LAMC2: variants seen among roughly 807,000 people sequenced by gnomAD.
LAMC2 encodes laminin subunit gamma 2.
LAMC2 carries 97 observed loss-of-function variants against 140.2 expected under a neutral mutation model. The ratio of observed to expected loss-of-function variants is 0.69; its 90% CI spans 0.59 to 0.82. The LOEUF is 0.82. LAMC2 is among the 40% of genes least tolerant of loss of function. The probability of loss-of-function intolerance (pLI) is 0.00; values close to 1 mark genes in which losing one functional copy is unlikely to be tolerated. For missense variants in LAMC2, 1,402 were observed against 1,476.1 expected (o/e 0.95, Z 0.82); for synonymous variants, 513 against 540.2 (o/e 0.95, Z 0.70).
At chr1:183,202,108 C>T (rs1188249209) in intron 1 of LAMC2, among the ~76,000 whole-genome samples, 2 of 151,786 alleles carry the variant, frequency 1.3e-5, no homozygotes, top group South Asian at 2.1e-4. Context: ...GCATGAGAAT[C>T]GCTTGAACCT....
intron 1 of LAMC2, among the ~76,000 whole-genome samples, chr1:183,205,720 G>A (rs1170602156): frequency 6.6e-6 from 1 of 152,160 alleles, no homozygotes; most frequent in African/African-American, 2.4e-5. Flanking sequence ...ACAAAAGCCT[G>A]ATGACGCAGG....
rs368800123 is a variant in LAMC2, at chr1:183,241,776, G to GA, written c.3329-1361dup. On this transcript the variant is annotated intron_variant, in intron 22 of 22. Transcript: ENST00000264144. ...GAGTAAAATGCCCTCAAAGGATTGA[G>GA]AAAAAAAAAAGGAAAAAACAAAACA... 5.8e-3 allele frequency among the ~76,000 whole-genome samples: 794 copies of GA among 137,496 alleles called. 5 individuals are homozygous for GA. Among genetic ancestry groups the GA allele is most frequent in the South Asian group, 0.011 (48 of 4,358 alleles). The allele number at this position is 137,496 out of a possible 152,430, so 90.2% of individuals were successfully genotyped here.
the LAMC2 span, among the ~76,000 whole-genome samples, chr1:183,254,623 G>C: frequency 6.6e-6 from 1 of 152,042 alleles, no homozygotes; most frequent in African/African-American, 2.4e-5. Context: ...TGGTGGGAAG[G>C]GGTAAGGATA....
In LAMC2 at chr1:183,228,373, G is replaced by A. The variant is rs1277522287; in HGVS notation, c.1469-1G>A. The A allele has an allele frequency of 6.2e-7, 1 of 1,614,114 alleles. No individual in the cohort carries two copies. Among genetic ancestry groups the A allele is most frequent in the Admixed American group, 1.7e-5 (1 of 60,012 alleles). On this transcript the variant is annotated splice_acceptor_variant, in intron 10 of 22. Transcript: ENST00000264144. LOFTEE classifies it high-confidence loss of function. This position sits in a 1 kb window ranked among gnomAD's most constrained non-coding sequence, Gnocchi z 4.3. ...AGGCTTGGTCATTTGTTCCTTCCCA[G>A]GTGCCCGCTGTGAGCTCTGTGCTGA...
chr1:183,207,749 C>T (rs898675197), intron 1 of LAMC2, 132 bp from the exon 2 acceptor site: 3 of 803,590 alleles, frequency 3.7e-6, no homozygotes, highest in South Asian at 3.1e-5. Flanking sequence ...ATCTTCCTCC[C>T]GCAAGGAGTG....
intron 12 of LAMC2, 75 bp downstream of exon 12, chr1:183,231,178 C>T (rs1361591691): frequency 6.5e-6 from 10 of 1,549,654 alleles, no homozygotes; most frequent in Admixed American, 1.7e-5. Flanking sequence ...GGTTCTGTCA[C>T]AGATCTAGGA....
At chr1:183,235,226 T>C (rs1315719745) in intron 15 of LAMC2, among the ~76,000 whole-genome samples, 1 of 152,184 alleles carries the variant, frequency 6.6e-6, no homozygotes, top group African/African-American at 2.4e-5. Context: ...GGTTGGATCC[T>C]GGGTGAAATA....
chr1:183,253,925 G>T, the LAMC2 span, among the ~76,000 whole-genome samples: 7 of 151,942 alleles, frequency 4.6e-5, no homozygotes, highest in South Asian at 1.5e-3. Context: ...GTGTGTGTGT[G>T]TGTGTGTGTG....
rs779368161 is a variant in LAMC2 at position 183,237,444 on chromosome 1, T to C, written c.2694T>C (p.Asn898=). The C allele has an allele frequency of 6.2e-6, 10 of 1,614,102 alleles. No homozygotes were observed. The highest frequency in any genetic ancestry group is 8.5e-6 in the Non-Finnish European group (10 of 1,180,004). ...HMDEFKRTQK[N]LGNWKEEAQQ... The stretch of plus-strand genomic sequence containing the variant: ...ATGAGTTCAAGCGTACACAGAAGAA[T>C]CTGGGAAACTGGAAAGAAGAAGCAC... The change falls in exon 18 of 23, where the codon AAT becomes AAC. Residue 898 remains asparagine (N), a synonymous_variant. Coordinates refer to ENST00000264144, the MANE Select transcript of LAMC2 (RefSeq NM_005562.3).
intron 1 of LAMC2, among the ~76,000 whole-genome samples, chr1:183,190,792 T>C (rs1208214293): frequency 1.3e-5 from 2 of 152,226 alleles, no homozygotes; most frequent in Non-Finnish European, 2.9e-5. Context: ...TCACATTTTA[T>C]GAAGTAATTA....
chr1:183,186,327 C>A lies in LAMC2; in HGVS notation c.-26C>A. The A allele has an allele frequency of 6.3e-7, 1 of 1,578,640 alleles. No homozygotes were observed. Among genetic ancestry groups the A allele is most frequent in the Non-Finnish European group, 8.6e-7 (1 of 1,169,182 alleles). On this transcript the variant is annotated 5_prime_UTR_variant, in exon 1 of 23. Transcript: ENST00000264144. The stretch of plus-strand genomic sequence containing the variant: ...CGGGCAGCGACCCCTGCAGCGGAGA[C>A]AGAGACTGAGCGGCCCGGCCCCGCC...
chr1:183,240,675 G>T, intron 22 of LAMC2: 1 of 1,328,302 alleles, frequency 7.5e-7, no homozygotes, highest in Non-Finnish European at 9.7e-7. Flanking sequence ...CAGAACACGA[G>T]ACAGCTTGGG....
chr1:183,252,491 T>G, the LAMC2 span: 1 of 553,980 alleles, frequency 1.8e-6, no homozygotes, highest in South Asian at 1.7e-5. Context: ...AATGCCATGG[T>G]TCTCTGCAGG....
At chr1:183,223,100 A>G (rs375441061) in intron 6 of LAMC2, 35 bp from the exon 7 acceptor site, 20 of 1,604,782 alleles carry the variant, frequency 1.2e-5, no homozygotes, top group Non-Finnish European at 1.6e-5. Context: ...CCAGTTTCAC[A>G]ACTGATCTCA....
Position 183,215,316 on chromosome 1 carries a change from G to A in LAMC2, c.269-137G>A, listed in dbSNP as rs797002997. ...CCCGGTGACACGCAGGCGATGTGAA[G>A]TGACTGTTAAAAGCAGCAGATGGTG... On this transcript the variant is annotated intron_variant, in intron 2 of 22. Coordinates refer to ENST00000264144, the MANE Select transcript of LAMC2 (RefSeq NM_005562.3). The A allele has an allele frequency of 9.7e-6, 9 of 929,176 alleles. No individual in the cohort carries two copies. In the African/African-American group the frequency reaches 1.5e-4, roughly 15 times the overall value. The allele number at this position is 929,176 out of a possible 1,614,324, so 57.6% of individuals were successfully genotyped here.
At position 183,220,920 on chromosome 1, in the gene LAMC2, C is replaced by T. The variant is rs138266625; in HGVS notation, c.599C>T (p.Ala200Val). Residue 200 changes from alanine (A) to valine (V), a missense_variant, in exon 5 of 23, where the codon GCA becomes GTA. By Grantham distance (64) the Ala-to-Val change is moderately conservative. Around this residue, in one of 3 missense-constraint regions of LAMC2, gnomAD observed 723 missense variants for 783.3 expected, o/e 0.92. Coordinates refer to ENST00000264144, the MANE Select transcript of LAMC2 (RefSeq NM_005562.3). ...CATTCAGCCAGCTGCCGCAGCTCTG[C>T]AGAATACAGTGTCCATAAGATCACC... is the stretch of plus-strand genomic sequence containing the variant. ...YGHSASCRSSAEYSVHKITST... is the reference protein window; with the variant it reads ...YGHSASCRSSVEYSVHKITST... 1 of 1,614,094 alleles carries T rather than the reference C, an allele frequency of 6.2e-7. No individual in the cohort carries two copies. Among genetic ancestry groups the T allele is most frequent in the Non-Finnish European group, 8.5e-7 (1 of 1,179,932 alleles).
At chr1:183,246,192 G>A (rs928472275), downstream of LAMC2, among the ~76,000 whole-genome samples, 15 of 150,100 alleles carry the variant, frequency 1.0e-4, no homozygotes, top group African/African-American at 3.4e-4. Flanking sequence ...AAAAAAGGTC[G>A]TAAGACTGTC....
chr1:183,208,802 C>T (rs1416196599), intron 2 of LAMC2, among the ~76,000 whole-genome samples: 1 of 152,064 alleles, frequency 6.6e-6, no homozygotes, highest in Non-Finnish European at 1.5e-5. Flanking sequence ...GCCTTAGCTT[C>T]CTGAGTAGCT....
At position 183,225,625 on chromosome 1, in the gene LAMC2, G is replaced by T; in HGVS notation, c.971G>T (p.Ser324Ile). Residue 324 changes from serine (S) to isoleucine (I), a missense_variant, in exon 8 of 23, where the codon AGC (serine) becomes ATC (isoleucine). Ser to Ile is a moderately radical substitution (Grantham distance 142, BLOSUM62 -2). Transcript: ENST00000264144. ...TYTFRLNEHP[S>I]NNWSPQLSYF... ...TTATGCAGGTTAAATGAGCATCCAA[G>T]CAATAATTGGAGCCCCCAGCTGAGT... is the stretch of plus-strand genomic sequence containing the variant. 1 of 1,613,118 alleles carries T rather than the reference G, an allele frequency of 6.2e-7. No individual in the cohort carries two copies. Among genetic ancestry groups the T allele is most frequent in the Non-Finnish European group, 8.5e-7 (1 of 1,179,046 alleles).
Sources: allele counts gnomAD v4.1 joint callset (sites outside exome capture counted in the v4.1 genomes callset), GRCh38; gene constraint gnomAD v4.1.1; regional missense constraint gnomAD v4.1.1; non-coding constraint Gnocchi (gnomAD v3.1); transcripts MANE v1.5; gene names NCBI Gene and HGNC (gene_info 2026-07-23, HGNC 2026-07-21).